The following KCNIP1 variants were observed in gnomAD, a reference collection of about 807,000 sequenced individuals.
The protein encoded by KCNIP1 is potassium voltage-gated channel interacting protein 1, also known as A-type potassium channel modulatory protein KCNIP1.
A neutral mutation model predicts 33.0 loss-of-function variants in KCNIP1; 18 were observed. That is an observed-to-expected ratio of 0.55 (90% CI 0.38 to 0.81). The LOEUF is 0.81. Among genes scored for constraint, KCNIP1 ranks in the 30% least tolerant of loss-of-function variants. The probability of loss-of-function intolerance (pLI) is 0.00; values close to 1 mark genes in which losing one functional copy is unlikely to be tolerated. For missense variants in KCNIP1, 238 were observed against 271.6 expected, an observed-to-expected ratio of 0.88 and a Z score of 0.87; for synonymous variants, 93 against 98.3, an observed-to-expected ratio of 0.95 and a Z score of 0.32.
At chr5:170,374,923 G>A (rs1442946486) in intron 1 of KCNIP1, 1 of 152,186 alleles carries the variant, frequency 6.6e-6, no homozygotes, top group Non-Finnish European at 1.5e-5. Context: ...TTATGGGACA[G>A]TGGGGGTTAG....
In KCNIP1 at chr5:170,718,563, C is replaced by T. The variant is rs547208064; in HGVS notation, c.62-195C>T. The stretch of plus-strand genomic sequence containing the variant: ...TTCTCTCCAACGCCGAAGCCCCCTC[C>T]CTGTGTGGTGTTTGACGCAGAGGCT... On this transcript the variant is annotated intron_variant, in intron 1 of 7. Coordinates refer to ENST00000328939, the MANE Select transcript of KCNIP1 (RefSeq NM_014592.4). 9.2e-5 allele frequency among the ~76,000 whole-genome samples: 14 copies of T among 152,330 alleles called. 1 individual carries two copies. The South Asian group carries it at 2.7e-3, about 29-fold the overall frequency.
chr5:170,620,406 T>C (rs909645357), intron 1 of KCNIP1, among the ~76,000 whole-genome samples: 2 of 152,192 alleles, frequency 1.3e-5, no homozygotes, highest in Non-Finnish European at 2.9e-5. Flanking sequence ...AAATCTGGTT[T>C]GTTGGATGGA....
rs144104190 is a variant in KCNIP1, at chr5:170,606,102, C to T, written c.61+101469C>T. On this transcript the variant is annotated intron_variant, in intron 1 of 7. Transcript: ENST00000328939. ...TTCATCCCTTTTTATGGCTGAGTAACATTCCATTGTGTGGATATACCACAC... is the reference window on the plus strand; with the variant it reads ...TTCATCCCTTTTTATGGCTGAGTAATATTCCATTGTGTGGATATACCACAC... 7.1e-3 allele frequency among the ~76,000 whole-genome samples: 1,075 copies of T among 152,302 alleles called. 5 individuals carry two copies. Among genetic ancestry groups the T allele is most frequent in the African/African-American group, 0.025 (1,027 of 41,560 alleles).
intron 1 of KCNIP1, among the ~76,000 whole-genome samples, chr5:170,428,681 C>T (rs1053771476): frequency 6.6e-6 from 1 of 152,110 alleles, no homozygotes; most frequent in Non-Finnish European, 1.5e-5. Flanking sequence ...ACCACCTACA[C>T]TAAAGCCAAT....
At chr5:170,622,375 A>G (rs1199514613) in intron 1 of KCNIP1, among the ~76,000 whole-genome samples, 1 of 152,146 alleles carries the variant, frequency 6.6e-6, no homozygotes, top group African/African-American at 2.4e-5. Context: ...TAATCCCAGC[A>G]CTTTGGGAGG....
At chr5:170,423,616 G>C (rs1183741717) in intron 1 of KCNIP1, among the ~76,000 whole-genome samples, 1 of 152,200 alleles carries the variant, frequency 6.6e-6, no homozygotes. Flanking sequence ...TTAAAAGCCA[G>C]CCTCGAGGAT....
intron 1 of KCNIP1, among the ~76,000 whole-genome samples, chr5:170,474,217 A>T (rs138876303): frequency 1.3e-5 from 2 of 152,166 alleles, no homozygotes; most frequent in Non-Finnish European, 2.9e-5. Flanking sequence ...TTTTATCTTT[A>T]TAACGAGACA....
chr5:170,397,781 C>G (rs759048999), intron 1 of KCNIP1, among the ~76,000 whole-genome samples: 1 of 152,082 alleles, frequency 6.6e-6, no homozygotes, highest in Non-Finnish European at 1.5e-5. Context: ...GAATATGTGC[C>G]CAAGGTGGTC....
At chr5:170,413,898 C>G (rs954047660) in intron 1 of KCNIP1, among the ~76,000 whole-genome samples, 1 of 144,738 alleles carries the variant, frequency 6.9e-6, no homozygotes, top group African/African-American at 2.6e-5. Context: ...TCTTGTCCAA[C>G]TGTATCTGCT....
intron 1 of KCNIP1, among the ~76,000 whole-genome samples, chr5:170,705,974 A>T (rs546744720): frequency 6.6e-6 from 1 of 152,338 alleles, no homozygotes; most frequent in African/African-American, 2.4e-5. Context: ...CAAGGTGGGT[A>T]TGATTCTAGC....
intron 1 of KCNIP1, among the ~76,000 whole-genome samples, chr5:170,515,292 C>T (rs566991889): frequency 1.2e-4 from 19 of 152,344 alleles, no homozygotes; most frequent in African/African-American, 4.6e-4. Context: ...GACCCTCTGT[C>T]ATTCCCGATT....
At chr5:170,533,366 C>T (rs969825427) in intron 1 of KCNIP1, among the ~76,000 whole-genome samples, 7 of 152,190 alleles carry the variant, frequency 4.6e-5, no homozygotes, top group Admixed American at 3.9e-4. Context: ...ATTGTTGTTG[C>T]GCTATCCTGC....
chr5:170,430,887 G>A (rs185103352), intron 1 of KCNIP1, among the ~76,000 whole-genome samples: 124 of 152,266 alleles, frequency 8.1e-4, no homozygotes, highest in Non-Finnish European at 6.9e-4. Flanking sequence ...ATAGATGAGC[G>A]GCCAGCCTGC....
At chr5:170,669,761 C>A (rs145147121) in intron 1 of KCNIP1, 68 of 554,452 alleles carry the variant, frequency 1.2e-4, no homozygotes, top group African/African-American at 1.2e-3. Flanking sequence ...TTACAAAGAG[C>A]ACACATTTTG....
intron 1 of KCNIP1, among the ~76,000 whole-genome samples, chr5:170,613,865 G>A (rs1759272497): frequency 6.6e-6 from 1 of 152,184 alleles, no homozygotes; most frequent in African/African-American, 2.4e-5. Context: ...TCCTTCACAG[G>A]GGCCACTTGG....
At chr5:170,714,002 C>G (rs1763551661) in intron 1 of KCNIP1, among the ~76,000 whole-genome samples, 1 of 149,590 alleles carries the variant, frequency 6.7e-6, no homozygotes, top group African/African-American at 2.5e-5. Context: ...CCAGCTTGGG[C>G]AACAAGAGCA....
chr5:170,501,092 A>C (rs929208228), upstream of KCNIP1, among the ~76,000 whole-genome samples: 1 of 152,226 alleles, frequency 6.6e-6, no homozygotes, highest in Non-Finnish European at 1.5e-5. Context: ...AAAACAGTCC[A>C]GAGGGAGAGA....
At chr5:170,647,643 T>A (rs1760837215) in intron 1 of KCNIP1, among the ~76,000 whole-genome samples, 1 of 148,724 alleles carries the variant, frequency 6.7e-6, no homozygotes, top group Non-Finnish European at 1.5e-5. Flanking sequence ...GGGTAATAGA[T>A]CTAAATATAA....
intron 1 of KCNIP1, chr5:170,639,539 C>T (rs551538188): frequency 6.6e-6 from 1 of 152,346 alleles, no homozygotes; most frequent in African/African-American, 2.4e-5. Context: ...TCCAAACGCG[C>T]TGTTCTCCTT....
Sources: gnomAD v4.1 joint callset for allele counts (sites outside exome capture counted in the v4.1 genomes callset) on GRCh38, gnomAD v4.1.1 for gene constraint, MANE v1.5 for transcripts, NCBI Gene and HGNC (gene_info 2026-07-23, HGNC 2026-07-21) for gene names.